Variants in TRIQK observed in about 807,000 individuals in gnomAD.
The protein encoded by TRIQK is triple QxxK/R motif containing, also known as triple QxxK/R motif-containing protein.
A neutral mutation model predicts 10.8 loss-of-function variants in TRIQK; 10 were observed. The ratio of observed to expected loss-of-function variants is 0.92; its 90% CI spans 0.57 to 1.57. The LOEUF (loss-of-function observed/expected upper bound fraction) is 1.57. Ranked by LOEUF, TRIQK falls within the 40% of genes most tolerant of loss-of-function variation. The pLI, the probability that TRIQK is intolerant of heterozygous loss-of-function variation, is 0.00. For missense variants in TRIQK, 107 were observed against 97.7 expected (o/e 1.09, Z -0.40); for synonymous variants, 33 against 33.7 (o/e 0.98, Z 0.07).
intron 1 of TRIQK, among the ~76,000 whole-genome samples, chr8:92,977,140 TTCTTGAG>T: frequency 6.6e-6 from 1 of 152,064 alleles, no homozygotes; most frequent in African/African-American, 2.4e-5. Flanking sequence ...TTAAAAGACT[TTCTTGAG>T]CATTTTGTAT....
intron 2 of TRIQK, among the ~76,000 whole-genome samples, chr8:92,917,269 A>G (rs1446872136): frequency 6.6e-6 from 1 of 152,008 alleles, no homozygotes; most frequent in Non-Finnish European, 1.5e-5. Context: ...ATTAAACCAT[A>G]TTGTTAAATA....
chr8:92,951,760 G>T (rs1200733247), intron 2 of TRIQK, among the ~76,000 whole-genome samples: 1 of 152,108 alleles, frequency 6.6e-6, no homozygotes, highest in African/African-American at 2.4e-5. Context: ...AGGCTAACTT[G>T]CTGGGTACTG....
chr8:92,921,059 A>T (rs112813404), intron 2 of TRIQK, among the ~76,000 whole-genome samples: 4,643 of 151,558 alleles, frequency 0.031, 106 homozygotes, highest in South Asian at 0.075. Flanking sequence ...TGGACCAATG[A>T]CTCCTGTGGC....
At chr8:92,968,617 T>A (rs1812840976), upstream of TRIQK, among the ~76,000 whole-genome samples, 1 of 152,232 alleles carries the variant, frequency 6.6e-6, no homozygotes, top group Admixed American at 6.5e-5. Flanking sequence ...AAGTGTCTGT[T>A]CATATCCTTC....
At chr8:92,960,012 TTTTC>T (rs1424620060) in intron 1 of TRIQK, among the ~76,000 whole-genome samples, 4 of 152,136 alleles carry the variant, frequency 2.6e-5, no homozygotes, top group African/African-American at 9.7e-5. Flanking sequence ...AAAACATTTA[TTTTC>T]TTTATCATCA....
At chr8:92,950,930 T>C (rs1394748413) in intron 2 of TRIQK, among the ~76,000 whole-genome samples, 2 of 152,112 alleles carry the variant, frequency 1.3e-5, no homozygotes. Context: ...AGGACTCCTG[T>C]GGAAACCAAA....
chr8:92,994,819 T>C (rs928224470), intron 1 of TRIQK, among the ~76,000 whole-genome samples: 1 of 152,016 alleles, frequency 6.6e-6, no homozygotes, highest in Admixed American at 6.5e-5. Flanking sequence ...TTGATTTTTG[T>C]TGTTTCTCCC....
intron 2 of TRIQK, among the ~76,000 whole-genome samples, chr8:92,933,809 G>T (rs570954914): frequency 9.3e-4 from 141 of 151,966 alleles, no homozygotes; most frequent in African/African-American, 3.1e-3. Flanking sequence ...CTTAATCTAA[G>T]GTTTAAACAC....
chr8:92,994,473 C>A (rs1378077320), intron 1 of TRIQK, among the ~76,000 whole-genome samples: 1 of 151,876 alleles, frequency 6.6e-6, no homozygotes, highest in Non-Finnish European at 1.5e-5. Context: ...CTGACAACTG[C>A]TGCACTAATA....
intron 3 of TRIQK, among the ~76,000 whole-genome samples, chr8:92,908,428 C>T (rs1809395222): frequency 6.6e-6 from 1 of 152,080 alleles, no homozygotes; most frequent in Non-Finnish European, 1.5e-5. Flanking sequence ...GAAAAGCTTC[C>T]TAAACTGTTA....
At chr8:92,960,897 G>T (rs1002232634) in intron 1 of TRIQK, among the ~76,000 whole-genome samples, 10 of 152,120 alleles carry the variant, frequency 6.6e-5, no homozygotes, top group African/African-American at 2.2e-4. Flanking sequence ...TGTTATAAGA[G>T]GAACAAAACT....
At chr8:92,966,980 CAA>C (rs10655820), upstream of TRIQK, among the ~76,000 whole-genome samples, 2 of 68,860 alleles carry the variant, frequency 2.9e-5, no homozygotes, top group Admixed American at 2.0e-4. Context: ...AAGTAGCATA[CAA>C]AAAAAAAAAA....
intron 1 of TRIQK, among the ~76,000 whole-genome samples, chr8:92,985,732 G>A (rs1586522850): frequency 6.6e-6 from 1 of 152,022 alleles, no homozygotes; most frequent in African/African-American, 2.4e-5. Context: ...TTTTGTTGCC[G>A]ATGTAATTGT....
chr8:92,983,257 GACAA>G lies in TRIQK; in HGVS notation c.-180-28697_-180-28694del, dbSNP rs1813002838. Among the ~76,000 whole-genome samples the G allele has an allele frequency of 2.0e-5, 3 of 152,140 alleles. No homozygotes were observed. In the South Asian group the frequency reaches 6.2e-4, roughly 32 times the overall value. On this transcript the variant is annotated intron_variant, in intron 1 of 4. Coordinates refer to the TRIQK transcript ENST00000520686. ...TCACAGAAGACACAAGGCAGAGGCAGACAAAGGAGAGAAAAATCTCAATTCAAGT... is the reference window on the plus strand; with the variant it reads ...TCACAGAAGACACAAGGCAGAGGCAGAGGAGAGAAAAATCTCAATTCAAGT...
intron 1 of TRIQK, among the ~76,000 whole-genome samples, chr8:92,999,319 C>T (rs563650932): frequency 1.3e-5 from 2 of 151,898 alleles, no homozygotes; most frequent in South Asian, 4.2e-4. Flanking sequence ...TTATTGAAAA[C>T]CCAACTGTTT....
At chr8:92,948,080 C>G (rs1811649734) in intron 2 of TRIQK, among the ~76,000 whole-genome samples, 3 of 152,278 alleles carry the variant, frequency 2.0e-5, no homozygotes, top group African/African-American at 7.2e-5. Context: ...CACCCATATA[C>G]TGCAAACAAA....
intron 2 of TRIQK, among the ~76,000 whole-genome samples, chr8:92,931,021 C>A (rs1459284731): frequency 6.6e-6 from 1 of 151,958 alleles, no homozygotes; most frequent in Non-Finnish European, 1.5e-5. Context: ...ATGGCCTTTT[C>A]TTGGCTCTAA....
chr8:92,921,512 C>T (rs1459866448), intron 2 of TRIQK: 1 of 151,570 alleles, frequency 6.6e-6, no homozygotes, highest in Admixed American at 6.6e-5. Context: ...CCTATAAAAA[C>T]GTTCCTTGCA....
intron 2 of TRIQK, among the ~76,000 whole-genome samples, chr8:92,951,173 A>C (rs898786397): frequency 6.6e-6 from 1 of 151,662 alleles, no homozygotes; most frequent in Non-Finnish European, 1.5e-5. Context: ...CAATTGCCTG[A>C]ATTCATGGAT....
Sources: allele counts gnomAD v4.1 joint callset (sites outside exome capture counted in the v4.1 genomes callset), GRCh38; gene constraint gnomAD v4.1.1; transcripts MANE v1.5; gene names NCBI Gene and HGNC (gene_info 2026-07-23, HGNC 2026-07-21).